CCNT2: variants seen among roughly 807,000 people sequenced by gnomAD.
CCNT2 encodes cyclin-T2.
A neutral mutation model predicts 70.0 loss-of-function variants in CCNT2; 18 were observed. The observed-to-expected ratio is 0.26, with a 90% CI of 0.18 to 0.38. CCNT2 has a LOEUF of 0.38. Ranked by LOEUF, CCNT2 falls within the 10% of genes least tolerant of loss-of-function variation. The pLI is 1.00. For missense variants in CCNT2, 734 were observed against 890.2 expected, an observed-to-expected ratio of 0.82 and a Z score of 2.23; for synonymous variants, 334 against 313.3, an observed-to-expected ratio of 1.07 and a Z score of -0.70.
chr2:134,924,393 G>C (rs1680127515), intron 2 of CCNT2, among the ~76,000 whole-genome samples: 1 of 152,098 alleles, frequency 6.6e-6, no homozygotes, highest in Admixed American at 6.6e-5. Context: ...AACTACCCCG[G>C]AATGTCTCCA....
Position 134,939,073 on chromosome 2 carries a change from A to G in CCNT2, c.430+11A>G. On this transcript the variant is annotated intron_variant, in intron 4 of 8. Transcript: ENST00000264157. ...TGCTACAAACTCTAGGTACGTACTT[A>G]CATCAGATAATGGCTTTTTGTGTGT... is the stretch of plus-strand genomic sequence containing the variant. 1 of 1,573,302 alleles carries G rather than the reference A, an allele frequency of 6.4e-7. No homozygotes were observed. The highest frequency in any genetic ancestry group is 1.3e-5 in the African/African-American group (1 of 74,176).
intron 2 of CCNT2, among the ~76,000 whole-genome samples, chr2:134,925,178 C>G (rs535435797): frequency 3.3e-5 from 5 of 152,180 alleles, no homozygotes; most frequent in Non-Finnish European, 5.9e-5. Context: ...TGGGTCCTTT[C>G]ATTCATTGGT....
chr2:134,919,754 T>C (rs1679734419), intron 1 of CCNT2, 56 bp from the exon 2 acceptor site: 1 of 1,337,530 alleles, frequency 7.5e-7, no homozygotes. Flanking sequence ...CCATCAAAAT[T>C]GTTCTGGGAA....
intron 2 of CCNT2, among the ~76,000 whole-genome samples, chr2:134,925,654 T>C (rs181783174): frequency 1.3e-5 from 2 of 152,156 alleles, no homozygotes; most frequent in Non-Finnish European, 1.5e-5. Context: ...TAGACCACAT[T>C]ATATATATAT....
At chr2:134,928,686 G>A (rs1042311496) in intron 2 of CCNT2, among the ~76,000 whole-genome samples, 26 of 151,814 alleles carry the variant, frequency 1.7e-4, no homozygotes, top group Non-Finnish European at 3.4e-4. Context: ...AAAGGCAAAT[G>A]TGCACTTTCA....
At chr2:134,937,690 C>T (rs1363235109) in intron 3 of CCNT2, among the ~76,000 whole-genome samples, 2 of 152,018 alleles carry the variant, frequency 1.3e-5, no homozygotes, top group Non-Finnish European at 2.9e-5. Flanking sequence ...CCGAGGCAGG[C>T]GGATCACCTG....
chr2:134,934,823 T>C (rs1038918906), intron 2 of CCNT2, among the ~76,000 whole-genome samples: 9 of 152,228 alleles, frequency 5.9e-5, no homozygotes, highest in Non-Finnish European at 1.0e-4. Flanking sequence ...AAATTCGGTC[T>C]AATTTGACTT....
Position 134,958,640 on chromosome 2 carries a change from A to T in CCNT2, c.*3992A>T, listed in dbSNP as rs1467344954. 6.6e-6 allele frequency: 1 copy of T among 152,250 alleles called. No homozygotes were observed. Among genetic ancestry groups the T allele is most frequent in the Non-Finnish European group, 1.5e-5 (1 of 68,048 alleles). 9.4% of individuals were successfully genotyped at this position (152,250 alleles called of 1,614,324 possible). Reference sequence around the variant, plus strand: ...AGCAACCTAATTGCTGTAAGCTGACATACATGGAAGCCGAAATCAAAAGGT... The same window carrying T: ...AGCAACCTAATTGCTGTAAGCTGACTTACATGGAAGCCGAAATCAAAAGGT... On this transcript the variant is annotated 3_prime_UTR_variant, in exon 9 of 9. Coordinates refer to ENST00000264157, the MANE Select transcript of CCNT2 (RefSeq NM_058241.3).
chr2:134,920,345 T>C (rs1184801936), intron 2 of CCNT2: 3 of 152,512 alleles, frequency 2.0e-5, no homozygotes, highest in East Asian at 3.8e-4. Flanking sequence ...AAATAATTCA[T>C]TTCTTCATTT....
chr2:134,919,974 T>G, intron 2 of CCNT2, 83 bp downstream of exon 2: 2 of 874,524 alleles, frequency 2.3e-6, no homozygotes, highest in East Asian at 5.0e-5. Flanking sequence ...ATTGCGTTGT[T>G]GGATTTAGTG....
intron 2 of CCNT2, among the ~76,000 whole-genome samples, chr2:134,931,455 T>C (rs756953652): frequency 6.6e-6 from 1 of 151,858 alleles, no homozygotes; most frequent in Non-Finnish European, 1.5e-5. Context: ...TAGTCTTGAT[T>C]ACTGTAGCTT....
intron 6 of CCNT2, chr2:134,946,533 CCA>C (rs1464886306): frequency 2.0e-5 from 8 of 403,570 alleles, no homozygotes; most frequent in Non-Finnish European, 2.0e-5. Flanking sequence ...TCACGTTGAT[CCA>C]GTCTTAACTT....
At chr2:134,934,118 A>C (rs1368785031) in intron 2 of CCNT2, among the ~76,000 whole-genome samples, 1 of 152,240 alleles carries the variant, frequency 6.6e-6, no homozygotes, top group Admixed American at 6.5e-5. Flanking sequence ...TCCTTGAAAT[A>C]GTTATATATC....
intron 2 of CCNT2, among the ~76,000 whole-genome samples, chr2:134,932,111 A>G (rs573061961): frequency 5.3e-5 from 8 of 151,906 alleles, no homozygotes; most frequent in African/African-American, 1.7e-4. Flanking sequence ...CAGCCTCCCA[A>G]GTGGTTAGGA....
At chr2:134,948,746 A>AGT (rs1682198191) in intron 7 of CCNT2, among the ~76,000 whole-genome samples, 1 of 145,706 alleles carries the variant, frequency 6.9e-6, no homozygotes, top group African/African-American at 2.5e-5. Flanking sequence ...AGTCAGTCTC[A>AGT]CTCTGTCGCC....
intron 2 of CCNT2, among the ~76,000 whole-genome samples, chr2:134,922,469 A>G (rs897408586): frequency 1.3e-5 from 2 of 152,156 alleles, no homozygotes; most frequent in African/African-American, 2.4e-5. Context: ...TGACCCAGAA[A>G]TGGTCTCTTA....
chr2:134,949,869 C>T (rs1044058888), intron 7 of CCNT2, among the ~76,000 whole-genome samples: 1 of 151,418 alleles, frequency 6.6e-6, no homozygotes, highest in African/African-American at 2.4e-5. Context: ...AATCTCGGCT[C>T]GCTGCACCCT....
At chr2:134,941,414 GTTGA>G (rs541660379) in intron 4 of CCNT2, among the ~76,000 whole-genome samples, 152 of 152,282 alleles carry the variant, frequency 1.0e-3, no homozygotes, top group African/African-American at 3.5e-3. Context: ...CAAAATATGT[GTTGA>G]TTAACTGTTT....
chr2:134,957,037 CAA>C lies in CCNT2; in HGVS notation c.*2391_*2392del, dbSNP rs1682970379. The C allele has an allele frequency of 6.6e-6, 1 of 152,560 alleles. No homozygotes were observed. 9.5% of individuals were successfully genotyped at this position (152,560 alleles called of 1,614,324 possible). A position where few individuals can be genotyped will look rare whatever the true frequency, so the allele number is the denominator to read the frequency against. ...TTTTTACAGGATTGTGTGAGCTATTCAAACTCTTCAACCCCTGAACAGGGTAT... is the reference window on the plus strand; with the variant it reads ...TTTTTACAGGATTGTGTGAGCTATTCACTCTTCAACCCCTGAACAGGGTAT... On this transcript the variant is annotated 3_prime_UTR_variant, in exon 9 of 9. Transcript: ENST00000264157.
Sources: gnomAD v4.1 joint callset for allele counts (sites outside exome capture counted in the v4.1 genomes callset) on GRCh38, gnomAD v4.1.1 for gene constraint, MANE v1.5 for transcripts, NCBI Gene and HGNC (gene_info 2026-07-23, HGNC 2026-07-21) for gene names.